B3GLCT: variants seen among roughly 807,000 people sequenced by gnomAD.
B3GLCT encodes beta-1,3-glucosyltransferase.
In B3GLCT, 65 loss-of-function variants were observed where a neutral mutation model predicts 63.4. The observed-to-expected ratio is 1.03, with a 90% CI of 0.84 to 1.26. B3GLCT has a LOEUF of 1.26. Ranked by LOEUF, B3GLCT falls within the 50% of genes most tolerant of loss-of-function variation. B3GLCT has a pLI of 0.00. For synonymous variants in B3GLCT, 233 were observed against 219.2 expected, an observed-to-expected ratio of 1.06 and a Z score of -0.55; for missense variants, 577 against 604.8, an observed-to-expected ratio of 0.95 and a Z score of 0.48.
chr13:31,329,349 A>T, intron 14 of B3GLCT, 152 bp from the exon 15 acceptor site: 3 of 825,064 alleles, frequency 3.6e-6, no homozygotes, highest in Middle Eastern at 4.8e-4. Context: ...TAGAAGAAAG[A>T]TATCAGAAAA....
chr13:31,259,472 G>A lies in B3GLCT; in HGVS notation c.460-1474G>A, dbSNP rs532889632. Among the ~76,000 whole-genome samples the A allele has an allele frequency of 2.4e-4, 36 of 151,816 alleles. 1 individual carries two copies. The highest frequency in any genetic ancestry group is 6.8e-3 in the Middle Eastern group (2 of 294). Reference sequence around the variant, plus strand: ...GTCTGAACTCCAACCTTGATCTCCCGGCACTACAGTACTGCTAAAGGCTTT... The same window carrying A: ...GTCTGAACTCCAACCTTGATCTCCCAGCACTACAGTACTGCTAAAGGCTTT... On this transcript the variant is annotated intron_variant, in intron 6 of 14. Coordinates refer to ENST00000343307, the MANE Select transcript of B3GLCT (RefSeq NM_194318.4).
At chr13:31,229,945 G>A (rs1247266500) in intron 4 of B3GLCT, among the ~76,000 whole-genome samples, 1 of 151,734 alleles carries the variant, frequency 6.6e-6, no homozygotes, top group African/African-American at 2.4e-5. Flanking sequence ...CTTTCTAAAG[G>A]CAAGGCTTAA....
chr13:31,316,451 G>A (rs1386038146), intron 12 of B3GLCT, among the ~76,000 whole-genome samples: 2 of 42,168 alleles, frequency 4.7e-5, no homozygotes, highest in Non-Finnish European at 1.2e-4. Flanking sequence ...TTTTTGAGAC[G>A]GAGTTTCGCT....
At chr13:31,271,452 A>G (rs1183625007) in intron 8 of B3GLCT, among the ~76,000 whole-genome samples, 1 of 152,178 alleles carries the variant, frequency 6.6e-6, no homozygotes, top group African/African-American at 2.4e-5. Context: ...TATCATGGTG[A>G]TCATCTGCAA....
intron 10 of B3GLCT, among the ~76,000 whole-genome samples, chr13:31,278,328 T>C (rs1274924247): frequency 6.6e-6 from 1 of 152,192 alleles, no homozygotes; most frequent in East Asian, 1.9e-4. Flanking sequence ...AGTTTACTGC[T>C]TTCTTATTTT....
At chr13:31,327,909 A>G (rs1041614176) in intron 14 of B3GLCT, among the ~76,000 whole-genome samples, 6 of 152,180 alleles carry the variant, frequency 3.9e-5, no homozygotes, top group Non-Finnish European at 8.8e-5. Flanking sequence ...CGCAGATATT[A>G]TTGTTGGAAC....
At chr13:31,221,588 T>C (rs1869815182) in intron 2 of B3GLCT, among the ~76,000 whole-genome samples, 2 of 152,202 alleles carry the variant, frequency 1.3e-5, no homozygotes, top group African/African-American at 4.8e-5. Context: ...CAGTGGCATT[T>C]CTAGTCTCGA....
At chr13:31,327,676 A>G (rs1875701725) in intron 14 of B3GLCT, among the ~76,000 whole-genome samples, 1 of 150,698 alleles carries the variant, frequency 6.6e-6, no homozygotes, top group Non-Finnish European at 1.5e-5. Flanking sequence ...GTAAACTCTC[A>G]GAGGGCCTTG....
chr13:31,248,427 G>A (rs1261031683), intron 6 of B3GLCT, among the ~76,000 whole-genome samples: 1 of 152,214 alleles, frequency 6.6e-6, no homozygotes. Flanking sequence ...GAATAGCAGG[G>A]AGAACAGACC....
chr13:31,274,774 G>T (rs912392037), intron 9 of B3GLCT, 146 bp downstream of exon 9: 95 of 1,038,140 alleles, frequency 9.2e-5, no homozygotes, highest in Middle Eastern at 5.9e-4. Flanking sequence ...GTGATGCTAA[G>T]GTTTGGGCTT....
chr13:31,201,887 G>GAC (rs775817837), intron 1 of B3GLCT, among the ~76,000 whole-genome samples: 9 of 152,280 alleles, frequency 5.9e-5, no homozygotes, highest in Non-Finnish European at 1.0e-4. Context: ...CAATAAATAA[G>GAC]ACATAAAATG....
chr13:31,323,723 C>G (rs780665769), intron 13 of B3GLCT, 28 bp from the exon 14 acceptor site: 18 of 1,613,910 alleles, frequency 1.1e-5, no homozygotes, highest in South Asian at 3.3e-5. Context: ...GCTTCTCTAA[C>G]CCCTTTCTCT....
At chr13:31,244,936 T>TA (rs1871127971) in intron 4 of B3GLCT, among the ~76,000 whole-genome samples, 1 of 150,870 alleles carries the variant, frequency 6.6e-6, no homozygotes. Flanking sequence ...TGGAGAGTGT[T>TA]ATTAACAAGG....
chr13:31,318,707 G>A (rs766724883), intron 13 of B3GLCT, among the ~76,000 whole-genome samples: 2 of 151,632 alleles, frequency 1.3e-5, no homozygotes, highest in African/African-American at 2.4e-5. Flanking sequence ...AGCTATTTGC[G>A]GCCTTACTGT....
chr13:31,224,381 G>A (rs1869985335), intron 3 of B3GLCT, among the ~76,000 whole-genome samples: 2 of 152,086 alleles, frequency 1.3e-5, no homozygotes, highest in Non-Finnish European at 1.5e-5. Flanking sequence ...AACTACAAAG[G>A]GGAAGTTACC....
chr13:31,202,042 G>A lies in B3GLCT; in HGVS notation c.70+1888G>A, dbSNP rs981526913. ...TGCTTCGATTTAGGGGAAGGGCACCGACACGTATAAAGATGTCCCCACTTA... is the reference window on the plus strand; with the variant it reads ...TGCTTCGATTTAGGGGAAGGGCACCAACACGTATAAAGATGTCCCCACTTA... On this transcript the variant is annotated intron_variant, in intron 1 of 14. Transcript: ENST00000343307. Among the ~76,000 whole-genome samples the A allele has an allele frequency of 2.6e-5, 4 of 152,156 alleles. No homozygotes were observed. The East Asian group carries it at 7.7e-4, about 29-fold the overall frequency.
intron 4 of B3GLCT, among the ~76,000 whole-genome samples, chr13:31,238,677 C>T (rs115854543): frequency 0.04 from 6,055 of 152,254 alleles, 141 homozygotes; most frequent in Non-Finnish European, 0.051. Context: ...ATAGGCCAGG[C>T]GCACCTGTAG....
Position 31,229,286 on chromosome 13 carries a change from CT to C in B3GLCT, c.264del (p.Thr89HisfsTer31). On this transcript the variant is annotated frameshift_variant, in exon 4 of 15. Transcript: ENST00000343307. LOFTEE classifies it high-confidence loss of function. Reference protein sequence around the residue: ...KKSILKQAADLTQELPSVLLL... With the variant: ...KKSILKQAADXTQELPSVLLL... ...AAGCATCTTAAAGCAGGCTGCAGAT[CT>C]TACACAGGTACGTAGCGATGGCTGG... is the stretch of plus-strand genomic sequence containing the variant. 6.3e-7 allele frequency: 1 copy of C among 1,598,300 alleles called. No homozygotes were observed. The highest frequency in any genetic ancestry group is 8.6e-7 in the Non-Finnish European group (1 of 1,165,612).
rs61561180 is a variant in B3GLCT at position 31,308,362 on chromosome 13, A to AAAAAAAAAAAAAAAAAAAAAAAAC, written c.1065-9195_1065-9194insAAAAAAAAAAAAAACAAAAAAAAA. 3.2e-3 allele frequency among the ~76,000 whole-genome samples: 198 copies of AAAAAAAAAAAAAAAAAAAAAAAAC among 61,774 alleles called. 2 individuals carry two copies. Among genetic ancestry groups the AAAAAAAAAAAAAAAAAAAAAAAAC allele is most frequent in the Middle Eastern group, 0.011 (1 of 92 alleles). The allele number at this position is 61,774 out of a possible 152,430, so 40.5% of individuals were successfully genotyped here. A position where few individuals can be genotyped will look rare whatever the true frequency, so the allele number is the denominator to read the frequency against. On this transcript the variant is annotated intron_variant, in intron 12 of 14. Transcript: ENST00000343307. ...AAAAAAAAATTAAAAAAAAAAAAAC[A>AAAAAAAAAAAAAAAAAAAAAAAAC]AAAAAAAAAGCTAGTCCCACATGGC...
Sources: gnomAD v4.1 joint callset for allele counts (sites outside exome capture counted in the v4.1 genomes callset) on GRCh38, gnomAD v4.1.1 for gene constraint, MANE v1.5 for transcripts, NCBI Gene and HGNC (gene_info 2026-07-23, HGNC 2026-07-21) for gene names.